PINK1: variants seen among roughly 807,000 people sequenced by gnomAD.
PINK1 encodes the protein PTEN induced kinase 1.
In PINK1, 58 loss-of-function variants were observed where a neutral mutation model predicts 56.0. The observed-to-expected ratio is 1.04, with a 90% CI of 0.84 to 1.29. The LOEUF is 1.29. Ranked by LOEUF, PINK1 falls within the 50% of genes most tolerant of loss-of-function variation. PINK1 has a pLI of 0.00. For missense variants in PINK1, 745 were observed against 777.9 expected (o/e 0.96, Z 0.50); for synonymous variants, 354 against 339.3 (o/e 1.04, Z -0.48).
chr1:20,638,416 A>G, intron 2 of PINK1: 1 of 420,352 alleles, frequency 2.4e-6, no homozygotes, highest in Non-Finnish European at 4.4e-6. Flanking sequence ...CAATCACTTG[A>G]GCTCAGGAGT....
At chr1:20,648,291 G>C (rs2053212801) in intron 5 of PINK1, 1 of 627,476 alleles carries the variant, frequency 1.6e-6, no homozygotes, top group East Asian at 2.9e-5. Context: ...TCCTTTGCCT[G>C]GGGATTTTGC....
intron 6 of PINK1, 165 bp downstream of exon 6, chr1:20,648,797 A>C: frequency 7.4e-7 from 1 of 1,349,776 alleles, no homozygotes; most frequent in Non-Finnish European, 1.0e-6. Context: ...GCGTTCCCTC[A>C]TGTTCCAGGA....
At chr1:20,640,352 C>T (rs2053103485) in intron 3 of PINK1, among the ~76,000 whole-genome samples, 1 of 152,028 alleles carries the variant, frequency 6.6e-6, no homozygotes, top group Admixed American at 6.6e-5. Context: ...AGAGGGAACA[C>T]TCATTTCACT....
Position 20,633,914 on chromosome 1 carries a change from C to G in PINK1, c.366C>G (p.Val122=). The G allele has an allele frequency of 6.3e-7, 1 of 1,584,286 alleles. No homozygotes were observed. The highest frequency in any genetic ancestry group is 8.6e-7 in the Non-Finnish European group (1 of 1,168,128). The change falls in exon 1 of 8, where the codon GTC becomes GTG. Residue 122 remains valine, a synonymous_variant. Coordinates refer to ENST00000321556, the MANE Select transcript of PINK1 (RefSeq NM_032409.3). ...EEKQAESRRA[V]SACQEIQAIF... Reference sequence around the variant, plus strand: ...AACAGGCGGAGAGCCGGCGGGCGGTCTCGGCCTGTCAGGAGATCCAGGTGA... The same window carrying G: ...AACAGGCGGAGAGCCGGCGGGCGGTGTCGGCCTGTCAGGAGATCCAGGTGA...
At chr1:20,650,016 G>A in intron 7 of PINK1, 1 of 284,714 alleles carries the variant, frequency 3.5e-6, no homozygotes, top group Non-Finnish European at 6.9e-6. Context: ...AGCCATACCT[G>A]CACCCCAGCA....
chr1:20,649,187 G>GTGAGTCAGTGCCTCCAGACT lies in PINK1; in HGVS notation c.1448_1449insTCAGTGCCTCCAGACTTGAG (p.Arg483SerfsTer7). ...ACTGCCCGAGTCAGTGCCTCCAGAC[G>GTGAGTCAGTGCCTCCAGACT]TGAGACAGTTGGTGAGGGCACTGCT... On this transcript the variant is annotated frameshift_variant, in exon 7 of 8. Coordinates refer to ENST00000321556, the MANE Select transcript of PINK1 (RefSeq NM_032409.3). LOFTEE classifies it high-confidence loss of function. The GTGAGTCAGTGCCTCCAGACT allele has an allele frequency of 6.2e-7, 1 of 1,614,182 alleles. No individual in the cohort carries two copies. Among genetic ancestry groups the GTGAGTCAGTGCCTCCAGACT allele is most frequent in the African/African-American group, 1.3e-5 (1 of 75,060 alleles).
Position 20,641,934 on chromosome 1 carries a change from C to G in PINK1, c.776+1942C>G, listed in dbSNP as rs1003889693. ...TGTATCTCCCCAGTACAGCCATACT[C>G]CTCTGCCCCTGAGCTCCCATGACAC... On this transcript the variant is annotated intron_variant, in intron 3 of 7. Coordinates refer to ENST00000321556, the MANE Select transcript of PINK1 (RefSeq NM_032409.3). This position sits in a 1 kb window ranked among gnomAD's most constrained non-coding sequence, Gnocchi z 4.0. 7.2e-5 allele frequency among the ~76,000 whole-genome samples: 11 copies of G among 152,180 alleles called. No homozygotes were observed. The highest frequency in any genetic ancestry group is 4.4e-5 in the Non-Finnish European group (3 of 68,040).
rs1385309950 is a variant in PINK1, at chr1:20,633,751, G to C, written c.203G>C (p.Arg68Pro). ...RVGLGLPNRL[R>P]FFRQSVAGLA... ...GGGCTCGGGCTCCCTAACCGTCTCC[G>C]CTTCTTCCGCCAGTCGGTGGCCGGG... The change falls in exon 1 of 8, where the codon CGC (arginine) becomes CCC (proline). Residue 68 changes from arginine to proline, a missense_variant. Transcript: ENST00000321556. 1.2e-5 allele frequency: 18 copies of C among 1,545,886 alleles called. No individual in the cohort carries two copies. In the Admixed American group the frequency reaches 3.1e-4, roughly 27 times the overall value.
rs1051578218 is a variant in PINK1, at chr1:20,650,095, A to G, written c.1489-339A>G. On this transcript the variant is annotated intron_variant, in intron 7 of 7. Transcript: ENST00000321556. ...ATCTTGGTGCGCAGTGAAGGTTAGA[A>G]CAACAGCTGCAACCAGTTATGAAAT... 1.3e-5 allele frequency: 5 copies of G among 386,362 alleles called. No homozygotes were observed. The Admixed American group carries it at 1.5e-4, about 11-fold the overall frequency. The allele number at this position is 386,362 out of a possible 1,614,324, so 23.9% of individuals were successfully genotyped here. A position where few individuals can be genotyped will look rare whatever the true frequency, so the allele number is the denominator to read the frequency against.
Position 20,640,195 on chromosome 1 carries a change from G to A in PINK1, c.776+203G>A, listed in dbSNP as rs1046348967. On this transcript the variant is annotated intron_variant, in intron 3 of 7. Transcript: ENST00000321556. Reference sequence around the variant, plus strand: ...TGACCCCAAATGATGATGCACTTGCGTAATTCACATTGGAGCAGGGGAGAG... The same window carrying A: ...TGACCCCAAATGATGATGCACTTGCATAATTCACATTGGAGCAGGGGAGAG... Among the ~76,000 whole-genome samples the A allele has an allele frequency of 1.7e-4, 26 of 152,332 alleles. 1 individual carries two copies. The highest frequency in any genetic ancestry group is 5.8e-4 in the East Asian group (3 of 5,194).
chr1:20,634,395 G>A (rs962850909), intron 1 of PINK1, among the ~76,000 whole-genome samples: 39 of 152,240 alleles, frequency 2.6e-4, no homozygotes, highest in Admixed American at 2.5e-3. Context: ...CAAAGGATTA[G>A]TAGTGACAGA....
chr1:20,641,732 C>T lies in PINK1; in HGVS notation c.776+1740C>T, dbSNP rs78244546. ...AACCTGCTCATCTCACCACGTCTCCCGCCTTATCTCTCACCCTTCTCATCA... is the reference window on the plus strand; with the variant it reads ...AACCTGCTCATCTCACCACGTCTCCTGCCTTATCTCTCACCCTTCTCATCA... On this transcript the variant is annotated intron_variant, in intron 3 of 7. Coordinates refer to ENST00000321556, the MANE Select transcript of PINK1 (RefSeq NM_032409.3). This position sits in a 1 kb window ranked among gnomAD's most constrained non-coding sequence, Gnocchi z 4.0. Among the ~76,000 whole-genome samples the T allele has an allele frequency of 1.8e-3, 270 of 152,248 alleles. 6 individuals carry two copies. In the East Asian group the frequency reaches 0.043, roughly 24 times the overall value.
rs1156571408 is a variant in PINK1, at chr1:20,641,350, C to G, written c.776+1358C>G. On this transcript the variant is annotated intron_variant, in intron 3 of 7. Coordinates refer to ENST00000321556, the MANE Select transcript of PINK1 (RefSeq NM_032409.3). The surrounding 1 kb of genome is among the most constrained non-coding windows in gnomAD (Gnocchi z 4.0). ...ATGCCTCCTTTTGTGGCATGAGTGG[C>G]AGCCGGCCGACGTGGTGCTGTCCTG... Among the ~76,000 whole-genome samples, 1 of 152,138 alleles carries G rather than the reference C, an allele frequency of 6.6e-6. No individual in the cohort carries two copies. Among genetic ancestry groups the G allele is most frequent in the Non-Finnish European group, 1.5e-5 (1 of 68,028 alleles).
chr1:20,644,696 G>C, intron 4 of PINK1, 24 bp downstream of exon 4: 2 of 1,612,760 alleles, frequency 1.2e-6, no homozygotes, highest in Non-Finnish European at 1.7e-6. Flanking sequence ...GCGCGGCAGG[G>C]CCTGGAGCTG....
chr1:20,633,598 T>C lies in PINK1; in HGVS notation c.50T>C (p.Leu17Pro). The C allele has an allele frequency of 7.9e-7, 1 of 1,270,680 alleles. No individual in the cohort carries two copies. The highest frequency in any genetic ancestry group is 9.9e-7 in the Non-Finnish European group (1 of 1,013,586). 78.7% of individuals were successfully genotyped at this position (1,270,680 alleles called of 1,614,324 possible). Residue 17 changes from leucine to proline, a missense_variant, in exon 1 of 8, where the codon CTG (leucine) becomes CCG (proline). Physicochemically the swap from Leu to Pro is moderately conservative, Grantham distance 98 (BLOSUM62 -3). Transcript: ENST00000321556. ...CGCGGCCTGCAGCTGGGTCGAGCGC[T>C]GCTGCTGCGCTTCACGGGCAAGCCC... ...LGRGLQLGRA[L>P]LLRFTGKPGR... is the part of the protein sequence containing the mutation.
intron 5 of PINK1, among the ~76,000 whole-genome samples, chr1:20,648,127 A>G (rs188844352): frequency 5.3e-5 from 8 of 152,272 alleles, no homozygotes; most frequent in Non-Finnish European, 2.9e-5. Context: ...TTCTTAATGC[A>G]CCTGGTTCTT....
rs2053109142 is a variant in PINK1, at chr1:20,640,902, G to A, written c.776+910G>A. Among the ~76,000 whole-genome samples, 5 of 152,260 alleles carry A rather than the reference G, an allele frequency of 3.3e-5. No individual in the cohort carries two copies. In the South Asian group the frequency reaches 1.0e-3, roughly 32 times the overall value. The stretch of plus-strand genomic sequence containing the variant: ...AAAATAAATTTTAGCCGGGCATGGG[G>A]GCAAATGCCTGTGATCCCAGCTACT... On this transcript the variant is annotated intron_variant, in intron 3 of 7. Coordinates refer to ENST00000321556, the MANE Select transcript of PINK1 (RefSeq NM_032409.3).
intron 1 of PINK1, among the ~76,000 whole-genome samples, chr1:20,636,306 C>T (rs1384854705): frequency 6.6e-6 from 1 of 150,778 alleles, no homozygotes; most frequent in Non-Finnish European, 1.5e-5. Flanking sequence ...TACACACACA[C>T]GTTGCTTCTG....
intron 2 of PINK1, chr1:20,639,653 C>T: frequency 1.7e-6 from 1 of 588,910 alleles, no homozygotes; most frequent in Non-Finnish European, 3.1e-6. Flanking sequence ...GCCCTGGCAT[C>T]TAGGCTGCAA....
Sources: allele counts gnomAD v4.1 joint callset (sites outside exome capture counted in the v4.1 genomes callset), GRCh38; gene constraint gnomAD v4.1.1; non-coding constraint Gnocchi (gnomAD v3.1); transcripts MANE v1.5; gene names NCBI Gene and HGNC (gene_info 2026-07-23, HGNC 2026-07-21).